The following FARP1 variants were observed in gnomAD, a reference collection of about 807,000 sequenced individuals.
FARP1 encodes the protein FERM, ARH/RhoGEF and pleckstrin domain protein 1.
Under a neutral mutation model 128.8 loss-of-function variants are expected in FARP1, and 52 were observed. The ratio of observed to expected loss-of-function variants is 0.40; its 90% CI spans 0.32 to 0.51. The LOEUF is 0.51. Ranked by LOEUF, FARP1 falls within the 20% of genes least tolerant of loss-of-function variation. The pLI is 0.45. For missense variants in FARP1, 1,333 were observed against 1,367.9 expected, an observed-to-expected ratio of 0.97 and a Z score of 0.40; for synonymous variants, 580 against 551.8, an observed-to-expected ratio of 1.05 and a Z score of -0.72.
chr13:98,399,250 TAAAGA>T (rs1270115505), intron 13 of FARP1: 3 of 152,216 alleles, frequency 2.0e-5, no homozygotes, highest in Non-Finnish European at 4.4e-5. Context: ...CCTATGCTAA[TAAAGA>T]TTCTATAACA....
chr13:98,332,125 G>A (rs1887535405), intron 2 of FARP1, among the ~76,000 whole-genome samples: 1 of 151,964 alleles, frequency 6.6e-6, no homozygotes, highest in South Asian at 2.1e-4. Context: ...GTACAGTTCA[G>A]TGGTATTAAG....
intron 2 of FARP1, among the ~76,000 whole-genome samples, chr13:98,265,685 A>AT (rs1321295087): frequency 6.6e-6 from 1 of 152,164 alleles, no homozygotes; most frequent in East Asian, 1.9e-4. Flanking sequence ...CAATTAGGTG[A>AT]TTTTAACTGT....
At position 98,449,753 on chromosome 13, in the gene FARP1, G is replaced by A. The variant is rs1220546670; in HGVS notation, c.*1436G>A. 1.4e-5 allele frequency: 2 copies of A among 144,136 alleles called. No individual in the cohort carries two copies. The highest frequency in any genetic ancestry group is 7.1e-5 in the Admixed American group (1 of 14,068). 8.9% of individuals were successfully genotyped at this position (144,136 alleles called of 1,614,324 possible). On this transcript the variant is annotated 3_prime_UTR_variant, in exon 27 of 27. Coordinates refer to ENST00000319562, the MANE Select transcript of FARP1 (RefSeq NM_005766.4). The stretch of plus-strand genomic sequence containing the variant: ...TCACGCCACAATCCAGCATATTGAT[G>A]TTTTAAGGCAAAACAACCAACTTTG...
chr13:98,307,224 C>T (rs1378789765), intron 2 of FARP1, among the ~76,000 whole-genome samples: 3 of 152,168 alleles, frequency 2.0e-5, no homozygotes, highest in Non-Finnish European at 2.9e-5. Context: ...TGATTGAATG[C>T]GTTTTTCTCA....
intron 2 of FARP1, among the ~76,000 whole-genome samples, chr13:98,323,952 T>G (rs1466378376): frequency 6.6e-6 from 1 of 152,212 alleles, no homozygotes; most frequent in Non-Finnish European, 1.5e-5. Context: ...TTGAATTTAG[T>G]CATTTTTATA....
At chr13:98,401,092 G>A (rs1890742694) in intron 13 of FARP1, 1 of 152,126 alleles carries the variant, frequency 6.6e-6, no homozygotes, top group Admixed American at 6.5e-5. Flanking sequence ...GCTCTCTGAT[G>A]AGTTTTATAT....
At chr13:98,341,680 A>G (rs1005449786) in intron 2 of FARP1, among the ~76,000 whole-genome samples, 1 of 152,174 alleles carries the variant, frequency 6.6e-6, no homozygotes, top group African/African-American at 2.4e-5. Flanking sequence ...GTAACTGTGA[A>G]TGGCAATGTC....
intron 2 of FARP1, among the ~76,000 whole-genome samples, chr13:98,239,962 C>G (rs1410867299): frequency 6.6e-6 from 1 of 152,186 alleles, no homozygotes; most frequent in Non-Finnish European, 1.5e-5. Flanking sequence ...AGACGGCTAC[C>G]TCTCTTCTCC....
chr13:98,246,186 CTG>C (rs1883049485), intron 2 of FARP1, among the ~76,000 whole-genome samples: 2 of 137,114 alleles, frequency 1.5e-5, no homozygotes, highest in African/African-American at 5.4e-5. Context: ...GCTCCGCCCC[CTG>C]GGGTTCACGC....
At chr13:98,183,706 G>T (rs1366499558) in intron 1 of FARP1, among the ~76,000 whole-genome samples, 1 of 152,134 alleles carries the variant, frequency 6.6e-6, no homozygotes, top group Non-Finnish European at 1.5e-5. Context: ...GCTGTTTGCC[G>T]CAAAAACTGG....
At position 98,454,508 on chromosome 13, in the gene FARP1, C is replaced by T. The variant is rs1255248181; in HGVS notation, c.*6191C>T. On this transcript the variant is annotated 3_prime_UTR_variant, in exon 27 of 27. Transcript: ENST00000319562. Reference sequence around the variant, plus strand: ...GTTACATAAGGTCCTCCCAAAAGCACACATTAGCCACGGAGCCTAAGACTC... The same window carrying T: ...GTTACATAAGGTCCTCCCAAAAGCATACATTAGCCACGGAGCCTAAGACTC... 1 of 152,222 alleles carries T rather than the reference C, an allele frequency of 6.6e-6. No individual in the cohort carries two copies. Among genetic ancestry groups the T allele is most frequent in the Non-Finnish European group, 1.5e-5 (1 of 68,040 alleles). The allele number at this position is 152,222 out of a possible 1,614,324, so 9.4% of individuals were successfully genotyped here.
intron 1 of FARP1, among the ~76,000 whole-genome samples, chr13:98,154,316 G>A (rs1478542281): frequency 6.6e-6 from 1 of 152,082 alleles, no homozygotes. Flanking sequence ...GTCAGCACTT[G>A]GTATCGTATT....
chr13:98,256,941 A>G (rs114976346), intron 2 of FARP1, among the ~76,000 whole-genome samples: 4,120 of 87,990 alleles, frequency 0.047, 198 homozygotes, highest in African/African-American at 0.12. Context: ...TTCAAAGTAT[A>G]TATGTGGATA....
At chr13:98,358,526 A>G (rs954284204) in intron 3 of FARP1, among the ~76,000 whole-genome samples, 40 of 152,340 alleles carry the variant, frequency 2.6e-4, no homozygotes, top group African/African-American at 8.7e-4. Flanking sequence ...AGAAAGCCAC[A>G]CTTAACATAT....
chr13:98,263,070 G>T (rs1267556506), intron 2 of FARP1, among the ~76,000 whole-genome samples: 1 of 151,992 alleles, frequency 6.6e-6, no homozygotes, highest in African/African-American at 2.4e-5. Flanking sequence ...GTGCCGTCGC[G>T]CAATCTCGGC....
intron 1 of FARP1, among the ~76,000 whole-genome samples, chr13:98,179,362 A>G (rs778814200): frequency 9.2e-5 from 14 of 152,202 alleles, no homozygotes; most frequent in Admixed American, 6.5e-4. Context: ...CCACAACACA[A>G]GAGAATTTTG....
chr13:98,422,476 G>A (rs574612371), intron 16 of FARP1, among the ~76,000 whole-genome samples: 42 of 152,292 alleles, frequency 2.8e-4, no homozygotes, highest in African/African-American at 9.6e-4. Context: ...GGGCAGCAAC[G>A]AAGACCCAGG....
chr13:98,444,529 G>GGAGACTCATGGCGCGCAGGGCCC (rs1892698302), intron 24 of FARP1, among the ~76,000 whole-genome samples: 1 of 152,244 alleles, frequency 6.6e-6, no homozygotes, highest in Non-Finnish European at 1.5e-5. Context: ...GTGCAGGGCA[G>GGAGACTCATGGCGCGCAGGGCCC]GAGACTCATG....
chr13:98,336,301 G>A (rs1318543881), intron 2 of FARP1, among the ~76,000 whole-genome samples: 3 of 152,072 alleles, frequency 2.0e-5, no homozygotes, highest in Non-Finnish European at 4.4e-5. Context: ...GCCCGGGCTG[G>A]AGTGCAGTTG....
Sources: gnomAD v4.1 joint callset for allele counts (sites outside exome capture counted in the v4.1 genomes callset) on GRCh38, gnomAD v4.1.1 for gene constraint, MANE v1.5 for transcripts, NCBI Gene and HGNC (gene_info 2026-07-23, HGNC 2026-07-21) for gene names.